Variants in CIT observed in about 807,000 individuals in gnomAD.
CIT encodes citron Rho-interacting kinase.
In CIT, 79 loss-of-function variants were observed where a neutral mutation model predicts 272.7. That is an observed-to-expected ratio of 0.29 (90% CI 0.24 to 0.35). The LOEUF is 0.35. CIT is among the 10% of genes least tolerant of loss of function. The probability of loss-of-function intolerance (pLI) is 1.00; values close to 1 mark genes in which losing one functional copy is unlikely to be tolerated. For missense variants in CIT, 1,909 were observed against 2,618.3 expected, an observed-to-expected ratio of 0.73 and a Z score of 5.91; for synonymous variants, 948 against 995.6, an observed-to-expected ratio of 0.95 and a Z score of 0.90.
At chr12:119,772,591 G>A (rs983006459) in intron 17 of CIT, among the ~76,000 whole-genome samples, 179 bp downstream of exon 17, 4 of 152,236 alleles carry the variant, frequency 2.6e-5, no homozygotes, top group Non-Finnish European at 5.9e-5. Context: ...AAGCTGCTAT[G>A]ACAAATCTTT....
At chr12:119,702,073 C>G (rs1206850781) in intron 41 of CIT, 115 bp from the exon 42 acceptor site, 1 of 738,718 alleles carries the variant, frequency 1.4e-6, no homozygotes, top group African/African-American at 1.8e-5. Flanking sequence ...ACATTGTCAC[C>G]AAGCTTGTTC....
intron 10 of CIT, among the ~76,000 whole-genome samples, chr12:119,798,640 A>G (rs1258724893): frequency 6.6e-6 from 1 of 152,164 alleles, no homozygotes; most frequent in Non-Finnish European, 1.5e-5. Flanking sequence ...AACCAACCCA[A>G]ATATTTTACT....
rs374880568 is a variant in CIT at position 119,758,711 on chromosome 12, G to T, written c.2422-11C>A. On this transcript the variant is annotated splice_polypyrimidine_tract_variant and intron_variant, in intron 20 of 47. Transcript: ENST00000392521. ...CATAGCATTGATCATCTGAAACACA[G>T]GGCACCTATGAAACTTCACACACCA... The T allele has an allele frequency of 9.6e-6, 15 of 1,557,814 alleles. No homozygotes were observed. The African/African-American group carries it at 1.9e-4, about 20-fold the overall frequency.
At chr12:119,813,835 T>TC (rs1442270286) in intron 9 of CIT, among the ~76,000 whole-genome samples, 4 of 151,822 alleles carry the variant, frequency 2.6e-5, no homozygotes, top group African/African-American at 9.7e-5. Context: ...TCACAGGGGG[T>TC]CTCATTTATG....
intron 4 of CIT, among the ~76,000 whole-genome samples, chr12:119,850,787 A>C (rs983392365): frequency 6.6e-6 from 1 of 152,170 alleles, no homozygotes; most frequent in Non-Finnish European, 1.5e-5. Context: ...GTGCCGTCCC[A>C]AGCAACGTGA....
intron 32 of CIT, 65 bp from the exon 33 acceptor site, chr12:119,714,399 G>T: frequency 6.4e-7 from 1 of 1,561,814 alleles, no homozygotes; most frequent in Non-Finnish European, 8.7e-7. Context: ...AAAGTGAAAA[G>T]ACAACCCACA....
Position 119,812,950 on chromosome 12 carries a change from T to C in CIT, c.1112-9561A>G, listed in dbSNP as rs78415189. Among the ~76,000 whole-genome samples, 105 of 152,286 alleles carry C rather than the reference T, an allele frequency of 6.9e-4. 2 individuals carry two copies. The East Asian group carries it at 0.019, about 28-fold the overall frequency. ...GAAAGTAAGGGCCAAACTTAAAACTTCCCCTTTTACTGCCTAGGCACAGGC... is the reference window on the plus strand; with the variant it reads ...GAAAGTAAGGGCCAAACTTAAAACTCCCCCTTTTACTGCCTAGGCACAGGC... On this transcript the variant is annotated intron_variant, in intron 9 of 47. Coordinates refer to ENST00000392521, the MANE Select transcript of CIT (RefSeq NM_001206999.2).
chr12:119,712,317 T>C lies in CIT; in HGVS notation c.4715A>G (p.His1572Arg). The change falls in exon 37 of 48, where the codon CAC (histidine) becomes CGC (arginine). Residue 1572 changes from histidine (H) to arginine (R), a missense_variant. By Grantham distance (29) the His-to-Arg change is conservative. Around this residue, in one of 8 missense-constraint regions of CIT, gnomAD observed 780 missense variants for 1,067.2 expected, o/e 0.73. Transcript: ENST00000392521. The surrounding 1 kb of genome is among the most constrained non-coding windows in gnomAD (Gnocchi z 5.2). ...DVPYILKMESHPHTTCWPGRT... is the reference protein window; with the variant it reads ...DVPYILKMESRPHTTCWPGRT... ...CCCGGGCCAGCAGGTGGTGTGCGGGTGAGATTCCATCTTCAGTATGTATGG... is the reference window on the plus strand; with the variant it reads ...CCCGGGCCAGCAGGTGGTGTGCGGGCGAGATTCCATCTTCAGTATGTATGG... 6.2e-7 allele frequency: 1 copy of C among 1,613,268 alleles called. No individual in the cohort carries two copies. The highest frequency in any genetic ancestry group is 8.5e-7 in the Non-Finnish European group (1 of 1,179,644).
intron 1 of CIT, 91 bp from the exon 2 acceptor site, chr12:119,876,272 A>T (rs1255351940): frequency 1.3e-6 from 1 of 750,938 alleles, no homozygotes; most frequent in East Asian, 2.8e-5. Context: ...ATCAGGGACA[A>T]GGAGGTGAAA....
Position 119,784,548 on chromosome 12 carries a change from A to T in CIT, c.1401+412T>A. The stretch of plus-strand genomic sequence containing the variant: ...CTCTGGGCAGGAACAGTGAATGTTA[A>T]GAGACGTTGAGCGTAATCAACACAG... On this transcript the variant is annotated intron_variant, in intron 11 of 47. Transcript: ENST00000392521. The surrounding 1 kb of genome is among the most constrained non-coding windows in gnomAD (Gnocchi z 4.7). The T allele has an allele frequency of 2.5e-6, 3 of 1,177,960 alleles. No individual in the cohort carries two copies. Among genetic ancestry groups the T allele is most frequent in the Non-Finnish European group, 3.2e-6 (3 of 941,712 alleles). The allele number at this position is 1,177,960 out of a possible 1,614,324, so 73.0% of individuals were successfully genotyped here.
At chr12:119,840,856 CTAAAG>C (rs1266197872) in intron 5 of CIT, among the ~76,000 whole-genome samples, 1 of 152,188 alleles carries the variant, frequency 6.6e-6, no homozygotes, top group African/African-American at 2.4e-5. Context: ...CCACATTTCA[CTAAAG>C]TAAACAATGA....
chr12:119,826,735 G>C (rs1034796517), intron 7 of CIT, among the ~76,000 whole-genome samples: 2 of 152,178 alleles, frequency 1.3e-5, no homozygotes, highest in African/African-American at 4.8e-5. Flanking sequence ...TGGTACAAAA[G>C]AACTTTTTCC....
At chr12:119,742,622 A>C in intron 23 of CIT, 158 bp from the exon 24 acceptor site, 1 of 553,446 alleles carries the variant, frequency 1.8e-6, no homozygotes, top group African/African-American at 1.9e-5. Context: ...CATCCCCAAC[A>C]CCAGAAATAA....
At chr12:119,740,650 A>G (rs1026993423) in intron 24 of CIT, among the ~76,000 whole-genome samples, 6 of 152,210 alleles carry the variant, frequency 3.9e-5, no homozygotes, top group African/African-American at 1.2e-4. Flanking sequence ...ATCCAAGCTT[A>G]TATAAGGAAA....
intron 10 of CIT, among the ~76,000 whole-genome samples, chr12:119,787,208 G>A (rs1490044311): frequency 1.3e-5 from 2 of 151,854 alleles, no homozygotes; most frequent in Admixed American, 1.3e-4. Flanking sequence ...CAAGCAATCC[G>A]CCCGCCTCAG....
intron 10 of CIT, among the ~76,000 whole-genome samples, chr12:119,793,751 T>G (rs1965507583): frequency 6.6e-6 from 1 of 152,254 alleles, no homozygotes; most frequent in Admixed American, 6.5e-5. Context: ...GAATGCACTC[T>G]GTGTGGGCAG....
At chr12:119,832,249 A>G (rs1367471013) in intron 7 of CIT, among the ~76,000 whole-genome samples, 1 of 152,066 alleles carries the variant, frequency 6.6e-6, no homozygotes, top group East Asian at 1.9e-4. Context: ...CTCAGTAGCT[A>G]CCCTCCTGCC....
chr12:119,715,195 C>G (rs546208289), intron 32 of CIT, among the ~76,000 whole-genome samples: 1 of 152,284 alleles, frequency 6.6e-6, no homozygotes, highest in East Asian at 1.9e-4. Context: ...TGAGGCCTCC[C>G]CAGCCACATG....
Position 119,834,153 on chromosome 12 carries a change from T to C in CIT, c.592A>G (p.Ile198Val), listed in dbSNP as rs146246664. Reference sequence around the variant, plus strand: ...ATCAGCTCAGCTAGGTAAAACTGTATCAGGTTTTCATCTAACTGGTCCTCA... The same window carrying C: ...ATCAGCTCAGCTAGGTAAAACTGTACCAGGTTTTCATCTAACTGGTCCTCA... Reference protein sequence around the residue: ...RYEDQLDENLIQFYLAELILA... With the variant: ...RYEDQLDENLVQFYLAELILA... Residue 198 changes from isoleucine (I) to valine (V), a missense_variant, in exon 6 of 48, where the codon ATA (isoleucine) becomes GTA (valine). Coordinates refer to ENST00000392521, the MANE Select transcript of CIT (RefSeq NM_001206999.2). 10 of 1,613,812 alleles carry C rather than the reference T, an allele frequency of 6.2e-6. No homozygotes were observed. Among genetic ancestry groups the C allele is most frequent in the Non-Finnish European group, 8.5e-6 (10 of 1,179,840 alleles).
Sources: allele counts gnomAD v4.1 joint callset (sites outside exome capture counted in the v4.1 genomes callset), GRCh38; gene constraint gnomAD v4.1.1; regional missense constraint gnomAD v4.1.1; non-coding constraint Gnocchi (gnomAD v3.1); transcripts MANE v1.5; gene names NCBI Gene and HGNC (gene_info 2026-07-23, HGNC 2026-07-21).